PDE4B: variants seen among roughly 807,000 people sequenced by gnomAD.
The protein encoded by PDE4B is 3',5'-cyclic-AMP phosphodiesterase 4B.
PDE4B carries 20 observed loss-of-function variants against 82.2 expected under a neutral mutation model. The ratio of observed to expected loss-of-function variants is 0.24; its 90% confidence interval spans 0.17 to 0.35. PDE4B has a LOEUF of 0.35. Ranked by LOEUF, PDE4B falls within the 10% of genes least tolerant of loss-of-function variation. PDE4B has a pLI of 1.00. For missense variants in PDE4B, 655 were observed against 907.2 expected, an observed-to-expected ratio of 0.72 and a Z score of 3.57; for synonymous variants, 320 against 318.9, an observed-to-expected ratio of 1.00 and a Z score of -0.04.
intron 3 of PDE4B, among the ~76,000 whole-genome samples, chr1:66,111,367 A>G (rs1259800374): frequency 2.0e-5 from 3 of 152,090 alleles, no homozygotes; most frequent in African/African-American, 4.8e-5. Flanking sequence ...CATCTCCAGA[A>G]TATTTTCATT....
intron 3 of PDE4B, among the ~76,000 whole-genome samples, chr1:66,095,905 A>G (rs1216071379): frequency 6.6e-6 from 1 of 151,868 alleles, no homozygotes; most frequent in East Asian, 1.9e-4. Flanking sequence ...TAATCAATAC[A>G]TGCTATTGTA....
At chr1:66,076,028 T>A (rs7415344) in intron 3 of PDE4B, among the ~76,000 whole-genome samples, 1 of 152,072 alleles carries the variant, frequency 6.6e-6, no homozygotes, top group Admixed American at 6.6e-5. Context: ...CTTTCTTTTT[T>A]TTTTCTTCTA....
intron 3 of PDE4B, among the ~76,000 whole-genome samples, chr1:66,198,949 T>G (rs1056878498): frequency 6.6e-6 from 1 of 152,186 alleles, no homozygotes; most frequent in African/African-American, 2.4e-5. Flanking sequence ...CTCATCATTT[T>G]TTATGGCTGC....
chr1:66,053,187 C>A lies in PDE4B; in HGVS notation c.281+134352C>A, dbSNP rs72918262. On this transcript the variant is annotated intron_variant, in intron 3 of 16. Transcript: ENST00000341517. ...TTAATAATATTTTATAACTCATTAGCGTGTACAAAATACTTTTACGTATGT... is the reference window on the plus strand; with the variant it reads ...TTAATAATATTTTATAACTCATTAGAGTGTACAAAATACTTTTACGTATGT... Among the ~76,000 whole-genome samples the A allele has an allele frequency of 8.4e-3, 1,278 of 152,084 alleles. 16 individuals are homozygous for A. The highest frequency in any genetic ancestry group is 0.029 in the African/African-American group (1,195 of 41,492).
At chr1:66,192,773 T>C (rs1211681198) in intron 3 of PDE4B, among the ~76,000 whole-genome samples, 2 of 152,052 alleles carry the variant, frequency 1.3e-5, no homozygotes, top group Admixed American at 1.3e-4. Flanking sequence ...AATTTCTGAG[T>C]CTTGAGACAT....
At chr1:66,267,200 G>A (rs1167415833) in intron 7 of PDE4B, 1 of 153,308 alleles carries the variant, frequency 6.5e-6, no homozygotes. Context: ...GTAAAGGTGA[G>A]TTTACTCTAG....
At chr1:66,145,116 A>G (rs966403349) in intron 3 of PDE4B, among the ~76,000 whole-genome samples, 2 of 152,172 alleles carry the variant, frequency 1.3e-5, no homozygotes, top group Non-Finnish European at 2.9e-5. Context: ...GCATTAACCT[A>G]TTCCTTTCCA....
chr1:66,194,468 G>A (rs955220105), intron 3 of PDE4B, among the ~76,000 whole-genome samples: 2 of 152,100 alleles, frequency 1.3e-5, no homozygotes, highest in Non-Finnish European at 2.9e-5. Flanking sequence ...TTACAAGGGT[G>A]TCCATCGCCT....
intron 3 of PDE4B, among the ~76,000 whole-genome samples, chr1:66,066,222 A>C (rs1262557927): frequency 6.6e-6 from 1 of 151,760 alleles, no homozygotes; most frequent in Non-Finnish European, 1.5e-5. Flanking sequence ...GAGTGTTTTC[A>C]TATAATTTAT....
intron 3 of PDE4B, among the ~76,000 whole-genome samples, chr1:66,229,618 T>A (rs1231047391): frequency 6.6e-6 from 1 of 152,192 alleles, no homozygotes; most frequent in African/African-American, 2.4e-5. Context: ...GGGTCTCTTA[T>A]GTGATATCTA....
intron 1 of PDE4B, among the ~76,000 whole-genome samples, chr1:65,858,564 G>A (rs1646419408): frequency 6.6e-6 from 1 of 152,174 alleles, no homozygotes; most frequent in Non-Finnish European, 1.5e-5. Context: ...ATTCGATGTT[G>A]ATTAAATATT....
chr1:66,054,920 G>A (rs998615357), intron 3 of PDE4B, among the ~76,000 whole-genome samples: 6 of 152,002 alleles, frequency 3.9e-5, no homozygotes, highest in Admixed American at 6.6e-5. Context: ...ATATTGTGCC[G>A]ATAAAACTGC....
intron 16 of PDE4B, among the ~76,000 whole-genome samples, chr1:66,369,855 A>T (rs370367873): frequency 7.9e-5 from 12 of 152,276 alleles, no homozygotes; most frequent in Admixed American, 2.6e-4. Context: ...GAGTTTAAAA[A>T]ATCTGTGAAA....
intron 3 of PDE4B, among the ~76,000 whole-genome samples, chr1:66,215,042 G>C (rs907674151): frequency 2.0e-5 from 3 of 152,118 alleles, no homozygotes; most frequent in African/African-American, 7.2e-5. Flanking sequence ...ATAGGCAGTA[G>C]AAACTTGCTA....
intron 7 of PDE4B, among the ~76,000 whole-genome samples, chr1:66,322,962 T>A (rs1191110931): frequency 1.3e-5 from 2 of 152,134 alleles, no homozygotes; most frequent in African/African-American, 4.8e-5. Context: ...CTCGTGTATG[T>A]CTTCCTGTAG....
At chr1:65,901,541 A>T (rs1331279167) in intron 1 of PDE4B, among the ~76,000 whole-genome samples, 1 of 151,826 alleles carries the variant, frequency 6.6e-6, no homozygotes, top group East Asian at 1.9e-4. Flanking sequence ...GCTTTTTTTG[A>T]TTGGTAAGTT....
intron 3 of PDE4B, among the ~76,000 whole-genome samples, chr1:66,060,305 A>G (rs1036105619): frequency 2.6e-5 from 4 of 152,216 alleles, no homozygotes; most frequent in African/African-American, 9.6e-5. Flanking sequence ...AAAAATACAT[A>G]GGACCAAAAT....
intron 7 of PDE4B, among the ~76,000 whole-genome samples, chr1:66,329,240 G>A (rs754491635): frequency 2.6e-5 from 4 of 152,180 alleles, no homozygotes; most frequent in African/African-American, 7.2e-5. Context: ...ATTGTGACAA[G>A]TGTACCATAA....
chr1:66,059,793 A>G (rs1655489004), intron 3 of PDE4B, among the ~76,000 whole-genome samples: 1 of 152,206 alleles, frequency 6.6e-6, no homozygotes, highest in African/African-American at 2.4e-5. Flanking sequence ...TATCACATAT[A>G]TATTCAGGTA....
Sources: allele counts gnomAD v4.1 joint callset (sites outside exome capture counted in the v4.1 genomes callset), GRCh38; gene constraint gnomAD v4.1.1; transcripts MANE v1.5; gene names NCBI Gene and HGNC (gene_info 2026-07-23, HGNC 2026-07-21).